The following ASZ1 variants were observed in gnomAD, a reference collection of about 807,000 sequenced individuals.
The protein encoded by ASZ1 is ankyrin repeat, SAM and basic leucine zipper domain containing 1.
In ASZ1, 67 loss-of-function variants were observed where a neutral mutation model predicts 61.8. The ratio of observed to expected loss-of-function variants is 1.08; its 90% CI spans 0.89 to 1.33. The LOEUF is 1.33. Ranked by LOEUF, ASZ1 falls within the 40% of genes most tolerant of loss-of-function variation. The pLI, the probability that ASZ1 is intolerant of heterozygous loss-of-function variation, is 0.00. For synonymous variants in ASZ1, 193 were observed against 192.7 expected (o/e 1.00, Z -0.01); for missense variants, 577 against 554.5 (o/e 1.04, Z -0.41).
At chr7:117,384,525 C>T (rs932562465) in intron 6 of ASZ1, among the ~76,000 whole-genome samples, 12 of 152,060 alleles carry the variant, frequency 7.9e-5, no homozygotes, top group Admixed American at 7.9e-4. Context: ...ACTATAAGTG[C>T]TTCTTGTTTC....
At chr7:117,424,269 T>C (rs1166319162) in intron 2 of ASZ1, among the ~76,000 whole-genome samples, 3 of 152,194 alleles carry the variant, frequency 2.0e-5, no homozygotes, top group Admixed American at 2.0e-4. Context: ...AAAATGTGCT[T>C]TTATTTTTAG....
intron 2 of ASZ1, among the ~76,000 whole-genome samples, chr7:117,424,265 T>C (rs1372041661): frequency 2.0e-5 from 3 of 152,214 alleles, no homozygotes; most frequent in Non-Finnish European, 4.4e-5. Context: ...ACTCAAAATG[T>C]GCTTTTATTT....
chr7:117,388,345 C>A (rs1379884772), intron 4 of ASZ1, among the ~76,000 whole-genome samples: 1 of 151,836 alleles, frequency 6.6e-6, no homozygotes, highest in South Asian at 2.1e-4. Flanking sequence ...CCAGAGGGTG[C>A]CATTATAAGG....
At chr7:117,408,843 C>A (rs900423808) in intron 4 of ASZ1, among the ~76,000 whole-genome samples, 8 of 151,944 alleles carry the variant, frequency 5.3e-5, no homozygotes, top group African/African-American at 1.9e-4. Context: ...AGGGGATTAT[C>A]TTGGAAGGGG....
At chr7:117,394,143 CACTCGGGCTAGAGTGCAATG>C (rs1255326937) in intron 4 of ASZ1, among the ~76,000 whole-genome samples, 51 of 152,060 alleles carry the variant, frequency 3.4e-4, no homozygotes, top group African/African-American at 1.2e-3. Flanking sequence ...CTTGCTCTGT[CACTCGGGCTAGAGTGCAATG>C]GCATCATCAT....
intron 4 of ASZ1, among the ~76,000 whole-genome samples, chr7:117,386,846 A>G (rs1796366265): frequency 6.6e-6 from 1 of 152,130 alleles, no homozygotes; most frequent in African/African-American, 2.4e-5. Flanking sequence ...ATTTCATGGT[A>G]TATTATAATT....
rs533134575 is a variant in ASZ1, at chr7:117,397,229, C to CCGAAA, written c.441-11421_441-11420insTTTCG. ...TGTCTCCGAACTGAACCGAACCGAACCGAACCGAACCGAACCAAACCAAAC... is the reference window on the plus strand; with the variant it reads ...TGTCTCCGAACTGAACCGAACCGAACCGAAACGAACCGAACCGAACCAAACCAAAC... On this transcript the variant is annotated intron_variant, in intron 4 of 12. Transcript: ENST00000284629. Among the ~76,000 whole-genome samples, 253 of 151,914 alleles carry CCGAAA rather than the reference C, an allele frequency of 1.7e-3. 2 individuals are homozygous for CCGAAA. Among genetic ancestry groups the CCGAAA allele is most frequent in the African/African-American group, 5.6e-3 (232 of 41,428 alleles).
intron 11 of ASZ1, 85 bp downstream of exon 11, chr7:117,368,527 T>C: frequency 6.5e-7 from 1 of 1,527,650 alleles, no homozygotes; most frequent in Non-Finnish European, 8.7e-7. Flanking sequence ...AGCAAATCAA[T>C]ACTATTTATT....
At chr7:117,412,456 C>G (rs1796915001) in intron 4 of ASZ1, among the ~76,000 whole-genome samples, 1 of 151,752 alleles carries the variant, frequency 6.6e-6, no homozygotes, top group Non-Finnish European at 1.5e-5. Flanking sequence ...TATTGTAAGC[C>G]AAAATTACAT....
At chr7:117,420,304 C>A in intron 3 of ASZ1, 30 bp from the exon 4 acceptor site, 1 of 1,491,460 alleles carries the variant, frequency 6.7e-7, no homozygotes, top group Non-Finnish European at 9.3e-7. Flanking sequence ...GAGGAAAAAT[C>A]CCCATACATC....
chr7:117,386,148 A>G (rs1242300190), intron 4 of ASZ1, among the ~76,000 whole-genome samples: 1 of 152,230 alleles, frequency 6.6e-6, no homozygotes, highest in Non-Finnish European at 1.5e-5. Flanking sequence ...TATGCTAGGA[A>G]TATAGTAATG....
At chr7:117,422,494 T>G in intron 2 of ASZ1, 135 bp from the exon 3 acceptor site, 1 of 975,858 alleles carries the variant, frequency 1.0e-6, no homozygotes, top group Non-Finnish European at 1.4e-6. Flanking sequence ...TTTTAATGGC[T>G]TCCAAAAAAT....
At chr7:117,375,866 C>T (rs951149877) in intron 10 of ASZ1, among the ~76,000 whole-genome samples, 1 of 151,656 alleles carries the variant, frequency 6.6e-6, no homozygotes, top group Non-Finnish European at 1.5e-5. Flanking sequence ...TAAATGTTTA[C>T]ATAAGAAAAA....
rs757623765 is a variant in ASZ1, at chr7:117,426,838, G to A, written c.203C>T (p.Ser68Phe). Reference protein sequence around the residue: ...DVSLVQELLDSGISVDSNFQY... With the variant: ...DVSLVQELLDFGISVDSNFQY... ...TGAAACTGTCCCTTATCTCTCACCA[G>A]AATCTAGGAGCTCCTGGACCAATGA... Residue 68 changes from serine (S) to phenylalanine (F), a missense_variant and splice_region_variant, in exon 2 of 13, where the codon TCT becomes TTT. By Grantham distance (155) the Ser-to-Phe change is radical. Transcript: ENST00000284629. The A allele has an allele frequency of 3.1e-6, 5 of 1,597,952 alleles. No individual in the cohort carries two copies. Among genetic ancestry groups the A allele is most frequent in the Non-Finnish European group, 4.3e-6 (5 of 1,175,900 alleles).
chr7:117,363,602 C>A lies in ASZ1; in HGVS notation c.1422G>T (p.Arg474Ser). 1 of 1,593,524 alleles carries A rather than the reference C, an allele frequency of 6.3e-7. No homozygotes were observed. The highest frequency in any genetic ancestry group is 1.2e-5 in the South Asian group (1 of 86,496). ...LLFICKLTFQ[R>S]K ...CTTAAAACAAATATTTGGATTATTT[C>A]CTCTGGAAAGTTAGCTTGCAAATGA... Residue 474 changes from arginine to serine, a missense_variant, in exon 13 of 13, where the codon AGG (arginine) becomes AGT (serine). Transcript: ENST00000284629.
At chr7:117,385,847 C>A in intron 4 of ASZ1, 38 bp from the exon 5 acceptor site, 4 of 1,460,790 alleles carry the variant, frequency 2.7e-6, no homozygotes, top group Non-Finnish European at 3.8e-6. Context: ...TGTGTTAATG[C>A]TGCCATTAAT....
At chr7:117,382,269 C>T in intron 7 of ASZ1, 125 bp from the exon 8 acceptor site, 1 of 636,998 alleles carries the variant, frequency 1.6e-6, no homozygotes, top group Non-Finnish European at 2.8e-6. Context: ...TTGCAATCTG[C>T]ACACCAGACC....
intron 7 of ASZ1, 130 bp from the exon 8 acceptor site, chr7:117,382,274 C>G: frequency 3.2e-6 from 2 of 618,744 alleles, no homozygotes; most frequent in Non-Finnish European, 5.7e-6. Flanking sequence ...ATCTGCACAC[C>G]AGACCTATGC....
At chr7:117,388,210 C>T (rs913537551) in intron 4 of ASZ1, among the ~76,000 whole-genome samples, 19 of 152,106 alleles carry the variant, frequency 1.2e-4, no homozygotes, top group African/African-American at 3.9e-4. Context: ...GATGGCTCCA[C>T]TGGTGAATTC....
Sources: gnomAD v4.1 joint callset for allele counts (sites outside exome capture counted in the v4.1 genomes callset) on GRCh38, gnomAD v4.1.1 for gene constraint, MANE v1.5 for transcripts, NCBI Gene and HGNC (gene_info 2026-07-23, HGNC 2026-07-21) for gene names.